The following SLC35F4 variants were observed in gnomAD, a reference collection of about 807,000 sequenced individuals.
The protein encoded by SLC35F4 is solute carrier family 35 member F4.
A neutral mutation model predicts 44.2 loss-of-function variants in SLC35F4; 24 were observed. The observed-to-expected ratio is 0.54, with a 90% CI of 0.39 to 0.76. The LOEUF is 0.76. Ranked by LOEUF, SLC35F4 falls within the 30% of genes least tolerant of loss-of-function variation. The probability of loss-of-function intolerance (pLI) is 0.00; values close to 1 mark genes in which losing one functional copy is unlikely to be tolerated. For synonymous variants in SLC35F4, 238 were observed against 223.6 expected (o/e 1.06, Z -0.57); for missense variants, 562 against 586.1 (o/e 0.96, Z 0.42).
intron 1 of SLC35F4, among the ~76,000 whole-genome samples, chr14:57,927,441 A>G (rs1314189079): frequency 6.9e-6 from 1 of 143,950 alleles, no homozygotes; most frequent in Non-Finnish European, 1.5e-5. Flanking sequence ...TTTTGCCCTC[A>G]TTGTCTGAGT....
intron 1 of SLC35F4, among the ~76,000 whole-genome samples, chr14:57,968,386 C>T (rs370096736): frequency 7.2e-5 from 11 of 152,304 alleles, no homozygotes; most frequent in African/African-American, 2.6e-4. Flanking sequence ...CTACATCTAC[C>T]TCACTCTTTT....
At chr14:57,856,541 A>C (rs1245318657) in intron 1 of SLC35F4, among the ~76,000 whole-genome samples, 1 of 152,124 alleles carries the variant, frequency 6.6e-6, no homozygotes, top group Non-Finnish European at 1.5e-5. Flanking sequence ...TTATATTTTA[A>C]ATGCAAAATA....
chr14:57,689,431 T>C (rs1008432127), intron 1 of SLC35F4, among the ~76,000 whole-genome samples: 2 of 152,092 alleles, frequency 1.3e-5, no homozygotes, highest in African/African-American at 2.4e-5. Flanking sequence ...AAACTGCTTT[T>C]AGGAATGAGG....
chr14:57,840,783 TAA>T (rs1885406318), intron 1 of SLC35F4, among the ~76,000 whole-genome samples: 1 of 152,224 alleles, frequency 6.6e-6, no homozygotes, highest in African/African-American at 2.4e-5. Flanking sequence ...TGAATGTTTT[TAA>T]AAGAGCAAAT....
At chr14:57,747,635 C>T (rs2076791330) in intron 1 of SLC35F4, among the ~76,000 whole-genome samples, 1 of 152,142 alleles carries the variant, frequency 6.6e-6, no homozygotes, top group Admixed American at 6.6e-5. Flanking sequence ...CATTTCATTA[C>T]ATCACTTCAA....
chr14:57,760,556 T>C (rs1473891745), intron 1 of SLC35F4, among the ~76,000 whole-genome samples: 2 of 152,224 alleles, frequency 1.3e-5, no homozygotes, highest in Non-Finnish European at 2.9e-5. Flanking sequence ...GTGCTGGATA[T>C]TTTTGTATTC....
At position 57,944,172 on chromosome 14, in the gene SLC35F4, G is replaced by A. The variant is rs145149429; in HGVS notation, n.282+37741C>T. Among the ~76,000 whole-genome samples, 37 of 152,208 alleles carry A rather than the reference G, an allele frequency of 2.4e-4. No homozygotes were observed. In the East Asian group the frequency reaches 6.6e-3, roughly 27 times the overall value. On this transcript the variant is annotated intron_variant and non_coding_transcript_variant, in intron 1 of 1. Coordinates refer to the SLC35F4 transcript ENST00000556568. ...ATTTTTCCGAAGTCATTCCAGTATC[G>A]TCAAGTACCAGGCTGACCAAAAGAG...
At position 57,946,216 on chromosome 14, in the gene SLC35F4, G is replaced by A. The variant is rs191743615; in HGVS notation, n.282+35697C>T. On this transcript the variant is annotated intron_variant and non_coding_transcript_variant, in intron 1 of 1. Transcript: ENST00000556568. The stretch of plus-strand genomic sequence containing the variant: ...TATTTGCCTAAGCCAATGTCTAAAA[G>A]AGTTTTTTCCAATGTTATCTTCTAG... Among the ~76,000 whole-genome samples, 53 of 152,170 alleles carry A rather than the reference G, an allele frequency of 3.5e-4. No individual in the cohort carries two copies. In the East Asian group the frequency reaches 9.5e-3, roughly 27 times the overall value.
chr14:57,564,197 G>T lies in SLC35F4; in HGVS notation c.1396C>A (p.Pro466Thr). The change falls in exon 8 of 8, where the codon CCC (proline) becomes ACC (threonine). Residue 466 changes from proline (P) to threonine (T), a missense_variant. Coordinates refer to ENST00000556826, the MANE Select transcript of SLC35F4 (RefSeq NM_001306087.2). ...SEEHVDDVTD[P>T]SIHLRGRGRA... ...CCTCTGCCCCGCAGGTGTATGCTGG[G>T]ATCAGTCACATCATCCACATGCTCC... 6.2e-7 allele frequency: 1 copy of T among 1,613,662 alleles called. No homozygotes were observed. The highest frequency in any genetic ancestry group is 8.5e-7 in the Non-Finnish European group (1 of 1,179,808).
chr14:57,652,510 A>G (rs2073820078), intron 1 of SLC35F4, among the ~76,000 whole-genome samples: 1 of 152,112 alleles, frequency 6.6e-6, no homozygotes, highest in Admixed American at 6.6e-5. Context: ...GAACAAGGAG[A>G]CACTGAGTCA....
intron 1 of SLC35F4, among the ~76,000 whole-genome samples, chr14:57,753,664 T>C (rs935825822): frequency 1.4e-4 from 21 of 152,112 alleles, no homozygotes; most frequent in African/African-American, 5.1e-4. Context: ...ACATACCACT[T>C]TGAGGGCAGC....
chr14:57,679,805 C>T (rs1024833568), intron 1 of SLC35F4, among the ~76,000 whole-genome samples: 2 of 151,774 alleles, frequency 1.3e-5, no homozygotes, highest in Admixed American at 6.6e-5. Flanking sequence ...ACACATACAC[C>T]CTCCCAAGAC....
intron 1 of SLC35F4, among the ~76,000 whole-genome samples, chr14:57,947,858 G>A (rs1566510334): frequency 1.3e-5 from 2 of 152,180 alleles, no homozygotes; most frequent in South Asian, 4.2e-4. Context: ...AAGCTATCCT[G>A]CATCCCTGGT....
At chr14:57,850,440 T>C (rs1319062665) in intron 1 of SLC35F4, among the ~76,000 whole-genome samples, 1 of 152,100 alleles carries the variant, frequency 6.6e-6, no homozygotes, top group South Asian at 2.1e-4. Flanking sequence ...AAATGTGGAG[T>C]TCTTCTTCAC....
intron 1 of SLC35F4, among the ~76,000 whole-genome samples, chr14:57,804,599 C>T (rs961975511): frequency 2.6e-5 from 4 of 152,158 alleles, no homozygotes; most frequent in African/African-American, 9.7e-5. Context: ...CCTTTCCTTA[C>T]ACCTTATATA....
chr14:57,836,839 A>G (rs967947444), intron 1 of SLC35F4, among the ~76,000 whole-genome samples: 4 of 152,208 alleles, frequency 2.6e-5, no homozygotes, highest in African/African-American at 9.6e-5. Flanking sequence ...TATAATTTGT[A>G]TCTGTAAAGG....
chr14:57,697,729 G>A (rs1459484774), intron 1 of SLC35F4, among the ~76,000 whole-genome samples: 1 of 151,104 alleles, frequency 6.6e-6, no homozygotes, highest in African/African-American at 2.4e-5. Flanking sequence ...GAAAATTCAT[G>A]TAAGTAAAAA....
upstream of SLC35F4, among the ~76,000 whole-genome samples, chr14:57,866,403 G>T (rs181306027): frequency 2.6e-5 from 4 of 152,118 alleles, no homozygotes; most frequent in African/African-American, 9.6e-5. Flanking sequence ...CACGCTTGGC[G>T]TCTACACCAC....
chr14:57,685,507 G>C (rs965294803), intron 1 of SLC35F4, among the ~76,000 whole-genome samples: 1 of 152,066 alleles, frequency 6.6e-6, no homozygotes, highest in Non-Finnish European at 1.5e-5. Context: ...TCCCCAAGAG[G>C]CACAATTATT....
Sources: gnomAD v4.1 joint callset for allele counts (sites outside exome capture counted in the v4.1 genomes callset) on GRCh38, gnomAD v4.1.1 for gene constraint, MANE v1.5 for transcripts, NCBI Gene and HGNC (gene_info 2026-07-23, HGNC 2026-07-21) for gene names.